ARRDC4: variants seen among roughly 807,000 people sequenced by gnomAD.
ARRDC4 encodes arrestin domain-containing protein 4.
Under a neutral mutation model 44.6 loss-of-function variants are expected in ARRDC4, and 40 were observed. The observed-to-expected ratio is 0.90, with a 90% CI of 0.70 to 1.17. The LOEUF (loss-of-function observed/expected upper bound fraction) is 1.17. Among genes scored for constraint, ARRDC4 ranks in the 50% most tolerant of loss-of-function variants. The pLI, the probability that ARRDC4 is intolerant of heterozygous loss-of-function variation, is 0.00. For missense variants in ARRDC4, 550 were observed against 559.1 expected (o/e 0.98, Z 0.16); for synonymous variants, 211 against 221.2 (o/e 0.95, Z 0.41).
In ARRDC4 at chr15:97,961,015, C is replaced by G. The variant is rs1478903641; in HGVS notation, c.154C>G (p.Leu52Val). The G allele has an allele frequency of 2.1e-6, 3 of 1,439,114 alleles. No homozygotes were observed. Among genetic ancestry groups the G allele is most frequent in the Non-Finnish European group, 2.7e-6 (3 of 1,095,896 alleles). The allele number at this position is 1,439,114 out of a possible 1,614,324, so 89.1% of individuals were successfully genotyped here. ...GCTGGAGGCGTCCGAGCCGGTGGCC[C>G]TGCGCGCGCTGCGCCTGGAGGCCCA... is the stretch of plus-strand genomic sequence containing the variant. ...VLLEASEPVA[L>V]RALRLEAQGR... The change falls in exon 1 of 8, where the codon CTG becomes GTG. Residue 52 changes from leucine (L) to valine (V), a missense_variant. Transcript: ENST00000268042.
rs1191019780 is a variant in ARRDC4, at chr15:97,973,162, T to C, written c.*1975T>C. 6.6e-6 allele frequency: 1 copy of C among 152,328 alleles called. No individual in the cohort carries two copies. The highest frequency in any genetic ancestry group is 6.5e-5 in the Admixed American group (1 of 15,280). 9.4% of individuals were successfully genotyped at this position (152,328 alleles called of 1,614,324 possible). The stretch of plus-strand genomic sequence containing the variant: ...TAGTTCATGCCCTGCCAAGGCATTG[T>C]TCGACTCCATGATACTAAAACATAA... On this transcript the variant is annotated 3_prime_UTR_variant, in exon 8 of 8. Coordinates refer to ENST00000268042, the MANE Select transcript of ARRDC4 (RefSeq NM_183376.3).
chr15:97,965,763 G>A lies in ARRDC4; in HGVS notation c.374+97G>A. 6.7e-7 allele frequency: 1 copy of A among 1,483,170 alleles called. No homozygotes were observed. Among genetic ancestry groups the A allele is most frequent in the Non-Finnish European group, 9.4e-7 (1 of 1,063,160 alleles). 91.9% of individuals were successfully genotyped at this position (1,483,170 alleles called of 1,614,324 possible). On this transcript the variant is annotated intron_variant, in intron 2 of 7. Transcript: ENST00000268042. This position sits in a 1 kb window ranked among gnomAD's most constrained non-coding sequence, Gnocchi z 5.1. ...TCTCTTCTGATTCTCAAGTATGCAT[G>A]TTTACACTGAATAGTCCCTAAATAG...
rs550668937 is a variant in ARRDC4 at position 97,961,152 on chromosome 15, G to A, written c.291G>A (p.Leu97=). Reference sequence around the variant, plus strand: ...AGTACCTGAACGTGCGCCTCAGCCTGCGGGAGCCCCCGGCCGGTAAGCGCA... The same window carrying A: ...AGTACCTGAACGTGCGCCTCAGCCTACGGGAGCCCCCGGCCGGTAAGCGCA... ...EVEYLNVRLS[L]REPPAGEGII... Residue 97 remains leucine (L), a synonymous_variant, in exon 1 of 8, where the codon CTG becomes CTA. Transcript: ENST00000268042. 107 of 1,443,206 alleles carry A rather than the reference G, an allele frequency of 7.4e-5. No individual in the cohort carries two copies. The African/African-American group carries it at 1.5e-3, about 20-fold the overall frequency. The allele number at this position is 1,443,206 out of a possible 1,614,324, so 89.4% of individuals were successfully genotyped here. A position where few individuals can be genotyped will look rare whatever the true frequency, so the allele number is the denominator to read the frequency against.
chr15:97,971,668 G>C lies in ARRDC4; in HGVS notation c.*481G>C, dbSNP rs1346440404. On this transcript the variant is annotated 3_prime_UTR_variant, in exon 8 of 8. Coordinates refer to ENST00000268042, the MANE Select transcript of ARRDC4 (RefSeq NM_183376.3). ...ATACGAAGTGAGATCCTGAGTCTTT[G>C]GGTGCTTCATGATTTCCTACCATAT... 6.2e-6 allele frequency: 1 copy of C among 162,576 alleles called. No individual in the cohort carries two copies. Among genetic ancestry groups the C allele is most frequent in the Non-Finnish European group, 1.4e-5 (1 of 73,632 alleles). 10.1% of individuals were successfully genotyped at this position (162,576 alleles called of 1,614,324 possible).
At position 97,971,288 on chromosome 15, in the gene ARRDC4, T is replaced by A; in HGVS notation, c.*101T>A. On this transcript the variant is annotated 3_prime_UTR_variant, in exon 8 of 8. Coordinates refer to ENST00000268042, the MANE Select transcript of ARRDC4 (RefSeq NM_183376.3). ...GACAGGAAAGATTCACTTGAAAACA[T>A]AAATGAACGTCAAGACTGAAGGCAA... The A allele has an allele frequency of 8.3e-7, 1 of 1,204,822 alleles. No homozygotes were observed. Among genetic ancestry groups the A allele is most frequent in the Non-Finnish European group, 1.2e-6 (1 of 823,526 alleles). 74.6% of individuals were successfully genotyped at this position (1,204,822 alleles called of 1,614,324 possible).
At position 97,967,950 on chromosome 15, in the gene ARRDC4, T is replaced by G; in HGVS notation, c.523-64T>G. On this transcript the variant is annotated intron_variant, in intron 3 of 7. Transcript: ENST00000268042. The surrounding 1 kb of genome is among the most constrained non-coding windows in gnomAD (Gnocchi z 5.0). Reference sequence around the variant, plus strand: ...CCATTCTGTGAAGATAGATATAATTTTAAGTTCTATGAGTTCTCTAGAGTG... The same window carrying G: ...CCATTCTGTGAAGATAGATATAATTGTAAGTTCTATGAGTTCTCTAGAGTG... 9.7e-7 allele frequency: 1 copy of G among 1,026,882 alleles called. No homozygotes were observed. The highest frequency in any genetic ancestry group is 1.4e-6 in the Non-Finnish European group (1 of 705,964). 63.6% of individuals were successfully genotyped at this position (1,026,882 alleles called of 1,614,324 possible).
intron 5 of ARRDC4, among the ~76,000 whole-genome samples, chr15:97,969,634 AATT>A (rs1899474139): frequency 6.6e-6 from 1 of 152,158 alleles, no homozygotes; most frequent in South Asian, 2.1e-4. Flanking sequence ...AATTTTCTAT[AATT>A]ATTATATAAG....
In ARRDC4 at chr15:97,971,271, A is replaced by G; in HGVS notation, c.*84A>G. ...TGCCTTTTTGGGAAAGAGACAGGAA[A>G]GATTCACTTGAAAACATAAATGAAC... On this transcript the variant is annotated 3_prime_UTR_variant, in exon 8 of 8. Transcript: ENST00000268042. 4 of 1,331,142 alleles carry G rather than the reference A, an allele frequency of 3.0e-6. No homozygotes were observed. The highest frequency in any genetic ancestry group is 4.3e-6 in the Non-Finnish European group (4 of 929,870). 82.5% of individuals were successfully genotyped at this position (1,331,142 alleles called of 1,614,324 possible).
intron 1 of ARRDC4, among the ~76,000 whole-genome samples, chr15:97,963,331 AAG>A (rs1312301862): frequency 1.3e-5 from 2 of 152,240 alleles, no homozygotes; most frequent in East Asian, 1.9e-4. Context: ...AAACTTGAGA[AAG>A]AGGAAAAGAA....
Position 97,968,432 on chromosome 15 carries a change from A to AAG in ARRDC4, c.625+320_625+321dup, listed in dbSNP as rs1284707129. Among the ~76,000 whole-genome samples the AAG allele has an allele frequency of 7.2e-5, 11 of 152,224 alleles. No individual in the cohort carries two copies. The highest frequency in any genetic ancestry group is 2.7e-4 in the African/African-American group (11 of 41,468). On this transcript the variant is annotated intron_variant, in intron 4 of 7. Transcript: ENST00000268042. This position sits in a 1 kb window ranked among gnomAD's most constrained non-coding sequence, Gnocchi z 5.4. ...GAATCTCCAGGGTTGTATTGCTAAA[A>AAG]AGAGAACTACTGGAGTATGAAATGC...
chr15:97,969,934 G>A lies in ARRDC4; in HGVS notation c.934G>A (p.Val312Met). Residue 312 changes from valine (V) to methionine (M), a missense_variant, in exon 6 of 8, where the codon GTG becomes ATG. By Grantham distance (21) the Val-to-Met change is conservative. Coordinates refer to ENST00000268042, the MANE Select transcript of ARRDC4 (RefSeq NM_183376.3). ...AKKLMLELPLVIGTIPYNGFG... is the reference protein window; with the variant it reads ...AKKLMLELPLMIGTIPYNGFG... ...AAAATTGATGCTCGAACTGCCATTA[G>A]TGATCGGTACAATTCCATATAATGG... is the stretch of plus-strand genomic sequence containing the variant. 1 of 1,608,430 alleles carries A rather than the reference G, an allele frequency of 6.2e-7. No individual in the cohort carries two copies. The highest frequency in any genetic ancestry group is 8.5e-7 in the Non-Finnish European group (1 of 1,177,726).
In ARRDC4 at chr15:97,966,644, A is replaced by G. The variant is rs1020514983; in HGVS notation, c.522+602A>G. Among the ~76,000 whole-genome samples, 1 of 152,244 alleles carries G rather than the reference A, an allele frequency of 6.6e-6. No homozygotes were observed. Among genetic ancestry groups the G allele is most frequent in the African/African-American group, 2.4e-5 (1 of 41,472 alleles). The stretch of plus-strand genomic sequence containing the variant: ...TAATCACCAGAAATACTGTAGACTG[A>G]TAAGAAAGATCAGGCTATAAGTAAC... On this transcript the variant is annotated intron_variant, in intron 3 of 7. Coordinates refer to ENST00000268042, the MANE Select transcript of ARRDC4 (RefSeq NM_183376.3). This position sits in a 1 kb window ranked among gnomAD's most constrained non-coding sequence, Gnocchi z 4.7.
intron 1 of ARRDC4, among the ~76,000 whole-genome samples, chr15:97,962,162 A>G (rs779676045): frequency 8.5e-5 from 13 of 152,328 alleles, no homozygotes; most frequent in South Asian, 2.1e-4. Context: ...TCTATGTGCT[A>G]TGTCTTATAC....
rs1046088533 is a variant in ARRDC4 at position 97,971,778 on chromosome 15, T to G, written c.*591T>G. 1 of 152,790 alleles carries G rather than the reference T, an allele frequency of 6.5e-6. No individual in the cohort carries two copies. The highest frequency in any genetic ancestry group is 1.5e-5 in the Non-Finnish European group (1 of 68,464). 9.5% of individuals were successfully genotyped at this position (152,790 alleles called of 1,614,324 possible). ...AATGAAGTACTACAGTTTTCATTCT[T>G]TCAAGGGTAGACTAAAATATAGTTT... is the stretch of plus-strand genomic sequence containing the variant. On this transcript the variant is annotated 3_prime_UTR_variant, in exon 8 of 8. Transcript: ENST00000268042.
Position 97,970,869 on chromosome 15 carries a change from A to C in ARRDC4, c.1200+126A>C. 1 of 1,194,076 alleles carries C rather than the reference A, an allele frequency of 8.4e-7. No homozygotes were observed. Among genetic ancestry groups the C allele is most frequent in the South Asian group, 1.5e-5 (1 of 65,618 alleles). 74.0% of individuals were successfully genotyped at this position (1,194,076 alleles called of 1,614,324 possible). On this transcript the variant is annotated intron_variant, in intron 7 of 7. Coordinates refer to ENST00000268042, the MANE Select transcript of ARRDC4 (RefSeq NM_183376.3). This position sits in a 1 kb window ranked among gnomAD's most constrained non-coding sequence, Gnocchi z 4.2. Reference sequence around the variant, plus strand: ...GTAAGGGATACATTTAAATTTGTTTATACAGTGGTAATAGATTATCGCTGA... The same window carrying C: ...GTAAGGGATACATTTAAATTTGTTTCTACAGTGGTAATAGATTATCGCTGA...
At position 97,973,489 on chromosome 15, in the gene ARRDC4, G is replaced by A. The variant is rs1054554898; in HGVS notation, c.*2302G>A. 6 of 152,554 alleles carry A rather than the reference G, an allele frequency of 3.9e-5. No homozygotes were observed. Among genetic ancestry groups the A allele is most frequent in the African/African-American group, 1.2e-4 (5 of 41,454 alleles). 9.5% of individuals were successfully genotyped at this position (152,554 alleles called of 1,614,324 possible). ...GAAACAGAAAATACCTGGGAATGAA[G>A]ATTAAAAATGTAGCTGCTGTTATTT... On this transcript the variant is annotated 3_prime_UTR_variant, in exon 8 of 8. Transcript: ENST00000268042.
rs1271017029 is a variant in ARRDC4 at position 97,966,429 on chromosome 15, G to A, written c.522+387G>A. The stretch of plus-strand genomic sequence containing the variant: ...AACTCCTCAATAATAGCAGGTTGAG[G>A]AACAGTAATTATGGAAGAGTATTAA... On this transcript the variant is annotated intron_variant, in intron 3 of 7. Coordinates refer to ENST00000268042, the MANE Select transcript of ARRDC4 (RefSeq NM_183376.3). This position sits in a 1 kb window ranked among gnomAD's most constrained non-coding sequence, Gnocchi z 4.7. Among the ~76,000 whole-genome samples the A allele has an allele frequency of 6.6e-6, 1 of 152,122 alleles. No individual in the cohort carries two copies. The highest frequency in any genetic ancestry group is 1.9e-4 in the East Asian group (1 of 5,186).
chr15:97,961,280 T>A, intron 1 of ARRDC4, 112 bp downstream of exon 1: 1 of 1,033,676 alleles, frequency 9.7e-7, no homozygotes, highest in Non-Finnish European at 1.3e-6. Flanking sequence ...CAGGGCGGGC[T>A]TCCGGGGGTG....
chr15:97,966,187 C>A lies in ARRDC4; in HGVS notation c.522+145C>A. The A allele has an allele frequency of 1.1e-6, 1 of 913,462 alleles. No individual in the cohort carries two copies. The highest frequency in any genetic ancestry group is 2.8e-5 in the Admixed American group (1 of 35,892). 56.6% of individuals were successfully genotyped at this position (913,462 alleles called of 1,614,324 possible). A position where few individuals can be genotyped will look rare whatever the true frequency, so the allele number is the denominator to read the frequency against. ...TGGCTTGGAAAACACAATCTTGTAA[C>A]CCAAAGGCATTCACTATAAATATAT... On this transcript the variant is annotated intron_variant, in intron 3 of 7. Coordinates refer to ENST00000268042, the MANE Select transcript of ARRDC4 (RefSeq NM_183376.3). The surrounding 1 kb of genome is among the most constrained non-coding windows in gnomAD (Gnocchi z 4.7).
Sources: gnomAD v4.1 joint callset for allele counts (sites outside exome capture counted in the v4.1 genomes callset) on GRCh38, gnomAD v4.1.1 for gene constraint, Gnocchi (gnomAD v3.1) non-coding constraint, MANE v1.5 for transcripts, NCBI Gene and HGNC (gene_info 2026-07-23, HGNC 2026-07-21) for gene names.